The following NPTN variants were observed in gnomAD, a reference collection of about 807,000 sequenced individuals.
The protein encoded by NPTN is neuroplastin.
A neutral mutation model predicts 42.7 loss-of-function variants in NPTN; 5 were observed. The ratio of observed to expected loss-of-function variants is 0.12; its 90% CI spans 0.06 to 0.25. NPTN has a LOEUF of 0.25. NPTN is among the 10% of genes least tolerant of loss of function. NPTN has a pLI of 1.00. For synonymous variants in NPTN, 180 were observed against 201.9 expected (o/e 0.89, Z 0.92); for missense variants, 307 against 525.4 (o/e 0.58, Z 4.06).
Position 73,608,574 on chromosome 15 carries a change from C to T in NPTN, c.92-11205G>A, listed in dbSNP as rs141680564. 1.3e-3 allele frequency among the ~76,000 whole-genome samples: 202 copies of T among 152,292 alleles called. 1 individual carries two copies. The highest frequency in any genetic ancestry group is 3.4e-3 in the Middle Eastern group (1 of 294). Reference sequence around the variant, plus strand: ...CTCATGCTATTCAGAAAAATATCCTCAAGACCTCACAATATAGGGAGAATG... The same window carrying T: ...CTCATGCTATTCAGAAAAATATCCTTAAGACCTCACAATATAGGGAGAATG... On this transcript the variant is annotated intron_variant, in intron 1 of 8. Coordinates refer to ENST00000345330, the MANE Select transcript of NPTN (RefSeq NM_012428.4).
In NPTN at chr15:73,560,034, T is replaced by C; in HGVS notation, c.*1029A>G. On this transcript the variant is annotated 3_prime_UTR_variant, in exon 9 of 9. Transcript: ENST00000345330. ...CCAAACACCTTTTATCAATGTTTTA[T>C]TTTTAAAAACAGGTGAATCCACTTT... The C allele has an allele frequency of 2.0e-6, 2 of 1,015,144 alleles. No homozygotes were observed. The highest frequency in any genetic ancestry group is 2.7e-6 in the Non-Finnish European group (2 of 727,520). 62.9% of individuals were successfully genotyped at this position (1,015,144 alleles called of 1,614,324 possible). A position where few individuals can be genotyped will look rare whatever the true frequency, so the allele number is the denominator to read the frequency against.
At chr15:73,596,338 A>G in intron 2 of NPTN, among the ~76,000 whole-genome samples, 1 of 152,158 alleles carries the variant, frequency 6.6e-6, no homozygotes, top group East Asian at 1.9e-4. Context: ...AAGAGCTGGA[A>G]CTATGAAAAT....
intron 7 of NPTN, 64 bp from the exon 8 acceptor site, chr15:73,562,034 A>G: frequency 8.3e-7 from 1 of 1,210,064 alleles, no homozygotes; most frequent in Non-Finnish European, 1.2e-6. Flanking sequence ...AGTATAACAC[A>G]TGGAAATACA....
intron 6 of NPTN, among the ~76,000 whole-genome samples, chr15:73,564,730 T>TCA: frequency 6.6e-6 from 1 of 152,214 alleles, no homozygotes; most frequent in African/African-American, 2.4e-5. Flanking sequence ...ATCCTAATGC[T>TCA]CAGCATCCCG....
In NPTN at chr15:73,569,607, C is replaced by T; in HGVS notation, c.1114+543G>A. On this transcript the variant is annotated intron_variant, in intron 6 of 8. Coordinates refer to ENST00000345330, the MANE Select transcript of NPTN (RefSeq NM_012428.4). The surrounding 1 kb of genome is among the most constrained non-coding windows in gnomAD (Gnocchi z 4.1). The stretch of plus-strand genomic sequence containing the variant: ...CCTATCAAAGGGACCAACCAAGGAA[C>T]CAAAAGCTGGCTTGTTCCAATGGCT... 3.0e-6 allele frequency: 3 copies of T among 985,472 alleles called. No homozygotes were observed. The highest frequency in any genetic ancestry group is 3.6e-6 in the Non-Finnish European group (3 of 829,940). 61.0% of individuals were successfully genotyped at this position (985,472 alleles called of 1,614,324 possible).
At chr15:73,617,768 C>T (rs1034026885) in intron 1 of NPTN, among the ~76,000 whole-genome samples, 5 of 152,204 alleles carry the variant, frequency 3.3e-5, no homozygotes, top group Admixed American at 6.5e-5. Flanking sequence ...AATACACACA[C>T]GTGTTACTAA....
At chr15:73,617,322 GCAAATC>G (rs1897911718) in intron 1 of NPTN, among the ~76,000 whole-genome samples, 1 of 152,200 alleles carries the variant, frequency 6.6e-6, no homozygotes, top group Non-Finnish European at 1.5e-5. Context: ...TATCATGTAA[GCAAATC>G]CTTTCATAAT....
At chr15:73,595,997 A>T (rs1478781824) in intron 2 of NPTN, among the ~76,000 whole-genome samples, 3 of 152,192 alleles carry the variant, frequency 2.0e-5, no homozygotes, top group Admixed American at 2.0e-4. Flanking sequence ...TCTTTTTTCA[A>T]GACACAAAGA....
intron 4 of NPTN, among the ~76,000 whole-genome samples, chr15:73,581,421 A>G (rs1204276605): frequency 6.6e-6 from 1 of 152,190 alleles, no homozygotes; most frequent in African/African-American, 2.4e-5. Flanking sequence ...CAAAGTAACA[A>G]AAAGACCCTT....
intron 1 of NPTN, among the ~76,000 whole-genome samples, chr15:73,602,179 AC>A (rs10710197): frequency 0.97 from 146,987 of 152,240 alleles, 71,170 homozygotes; most frequent in East Asian, 1. Context: ...CTCCAGGGCA[AC>A]CCACAGAACA....
intron 6 of NPTN, among the ~76,000 whole-genome samples, chr15:73,565,510 C>T (rs1002998880): frequency 6.6e-6 from 1 of 152,156 alleles, no homozygotes; most frequent in African/African-American, 2.4e-5. Flanking sequence ...GGAGATTAAA[C>T]AAACTCCAAA....
rs745348194 is a variant in NPTN at position 73,570,188 on chromosome 15, A to G, written c.1076T>C (p.Val359Ala). The G allele has an allele frequency of 6.2e-7, 1 of 1,613,572 alleles. No homozygotes were observed. Among genetic ancestry groups the G allele is most frequent in the Non-Finnish European group, 8.5e-7 (1 of 1,179,622 alleles). The part of the protein sequence containing the change: ...EIIILVVIIV[V>A]YEKRKRPDEV... The stretch of plus-strand genomic sequence containing the variant: ...ATCTGGCCTCTTCCTCTTCTCATAC[A>G]CAACAATGATCACCACAAGGATGAT... Residue 359 changes from valine (V) to alanine (A), a missense_variant, in exon 6 of 9, where the codon GTG becomes GCG. This residue lies in a region of NPTN where 264 missense variants were observed against 491.1 expected (regional missense o/e 0.54). Transcript: ENST00000345330. This position sits in a 1 kb window ranked among gnomAD's most constrained non-coding sequence, Gnocchi z 4.0.
In NPTN at chr15:73,570,418, A is replaced by G. The variant is rs1208560218; in HGVS notation, c.846T>C (p.Ile282=). Residue 282 remains isoleucine (I), a synonymous_variant, in exon 6 of 9, where the codon ATT becomes ATC. Coordinates refer to ENST00000345330, the MANE Select transcript of NPTN (RefSeq NM_012428.4). This position sits in a 1 kb window ranked among gnomAD's most constrained non-coding sequence, Gnocchi z 4.0. ...RKKENGMPMD[I]VNTSGRFFII... ...TGAAGAAGCGGCCAGAGGTATTGAC[A>G]ATGTCCTGCAAAAAAGTGAGAATAC... 2 of 1,609,526 alleles carry G rather than the reference A, an allele frequency of 1.2e-6. No individual in the cohort carries two copies. Among genetic ancestry groups the G allele is most frequent in the South Asian group, 2.2e-5 (2 of 90,954 alleles).
intron 6 of NPTN, chr15:73,568,698 A>G (rs1444040601): frequency 1.0e-6 from 1 of 985,362 alleles, no homozygotes; most frequent in Non-Finnish European, 1.2e-6. Flanking sequence ...GCAGGAAACT[A>G]GAGATTCATT....
intron 2 of NPTN, among the ~76,000 whole-genome samples, chr15:73,592,950 G>C (rs1050266539): frequency 2.0e-5 from 3 of 152,094 alleles, no homozygotes; most frequent in African/African-American, 7.2e-5. Flanking sequence ...GAAATGATTT[G>C]TGCAAGGCCG....
chr15:73,612,087 G>GTAAT (rs1595955632), intron 1 of NPTN, among the ~76,000 whole-genome samples: 1 of 152,166 alleles, frequency 6.6e-6, no homozygotes, highest in East Asian at 1.9e-4. Flanking sequence ...GGACAAGCTA[G>GTAAT]TAATGGTCAC....
At chr15:73,605,054 T>C (rs899203768) in intron 1 of NPTN, among the ~76,000 whole-genome samples, 13 of 146,930 alleles carry the variant, frequency 8.8e-5, no homozygotes, top group African/African-American at 3.3e-4. Flanking sequence ...GCTATGATCA[T>C]TCCACTGCAC....
At chr15:73,566,921 G>A (rs1175799334) in intron 6 of NPTN, 4 of 629,712 alleles carry the variant, frequency 6.4e-6, no homozygotes, top group South Asian at 7.1e-5. Flanking sequence ...CCATACAGGG[G>A]ACTAAAGGAA....
At chr15:73,595,813 CCT>C (rs1376534040) in intron 2 of NPTN, among the ~76,000 whole-genome samples, 10 of 152,232 alleles carry the variant, frequency 6.6e-5, no homozygotes, top group Middle Eastern at 3.4e-3. Context: ...GTGGCTTCTC[CCT>C]CTCTCTGCTT....
Sources: allele counts gnomAD v4.1 joint callset (sites outside exome capture counted in the v4.1 genomes callset), GRCh38; gene constraint gnomAD v4.1.1; regional missense constraint gnomAD v4.1.1; non-coding constraint Gnocchi (gnomAD v3.1); transcripts MANE v1.5; gene names NCBI Gene and HGNC (gene_info 2026-07-23, HGNC 2026-07-21).